The following ARHGAP26 variants were observed in gnomAD, a reference collection of about 807,000 sequenced individuals.
ARHGAP26 encodes Rho GTPase activating protein 26.
A neutral mutation model predicts 104.8 loss-of-function variants in ARHGAP26; 38 were observed. That is an observed-to-expected ratio of 0.36 (90% CI 0.28 to 0.48). ARHGAP26 has a LOEUF of 0.48. Among genes scored for constraint, ARHGAP26 ranks in the 20% least tolerant of loss-of-function variants. The pLI is 0.99. For missense variants in ARHGAP26, 704 were observed against 947.9 expected, an observed-to-expected ratio of 0.74 and a Z score of 3.38; for synonymous variants, 341 against 340.0, an observed-to-expected ratio of 1.00 and a Z score of -0.03.
chr5:143,157,674 A>G (rs1199560873), intron 20 of ARHGAP26, among the ~76,000 whole-genome samples: 1 of 152,090 alleles, frequency 6.6e-6, no homozygotes, highest in Non-Finnish European at 1.5e-5. Context: ...TTGAGGGGGG[A>G]AAATGTATTT....
At chr5:142,896,176 G>A (rs1759455375) in intron 6 of ARHGAP26, among the ~76,000 whole-genome samples, 1 of 152,164 alleles carries the variant, frequency 6.6e-6, no homozygotes. Flanking sequence ...GGTCAGGGCA[G>A]GAATGCAAAT....
intron 13 of ARHGAP26, 50 bp downstream of exon 13, chr5:143,037,311 G>C: frequency 1.3e-6 from 2 of 1,490,182 alleles, no homozygotes; most frequent in East Asian, 4.7e-5. Flanking sequence ...TCACGCATCT[G>C]GTGAGGAGTC....
chr5:143,101,634 C>T (rs937364932), intron 17 of ARHGAP26, among the ~76,000 whole-genome samples: 3 of 151,622 alleles, frequency 2.0e-5, no homozygotes, highest in African/African-American at 7.3e-5. Flanking sequence ...AATTACTTTT[C>T]CCTTCTTTTT....
At chr5:142,983,541 A>G (rs1333063517) in intron 11 of ARHGAP26, among the ~76,000 whole-genome samples, 1 of 152,226 alleles carries the variant, frequency 6.6e-6, no homozygotes, top group East Asian at 1.9e-4. Flanking sequence ...AAATGGTCTG[A>G]GAAATAGGAA....
At chr5:142,873,283 G>C (rs1755599835) in intron 1 of ARHGAP26, 117 bp from the exon 2 acceptor site, 2 of 667,726 alleles carry the variant, frequency 3.0e-6, no homozygotes, top group East Asian at 5.8e-5. Context: ...GCTTTGAAAT[G>C]GACTCAGGAA....
chr5:142,770,554 C>A lies in ARHGAP26; in HGVS notation c.-208C>A, dbSNP rs1203389154. 4.6e-6 allele frequency: 1 copy of A among 217,750 alleles called. No homozygotes were observed. Among genetic ancestry groups the A allele is most frequent in the Non-Finnish European group, 8.6e-6 (1 of 116,564 alleles). The allele number at this position is 217,750 out of a possible 1,614,324, so 13.5% of individuals were successfully genotyped here. On this transcript the variant is annotated 5_prime_UTR_variant, in exon 1 of 23. Transcript: ENST00000645722. ...CGCGATCCGCTCCGTTGCCCGCGCC[C>A]GGAACAGCAGCACCTCGGCCGGGTC... is the stretch of plus-strand genomic sequence containing the variant.
intron 11 of ARHGAP26, among the ~76,000 whole-genome samples, chr5:142,987,647 CTT>C (rs1322371407): frequency 1.3e-5 from 2 of 152,148 alleles, no homozygotes; most frequent in East Asian, 3.9e-4. Context: ...ATAAATAGCT[CTT>C]ATTATTTTGA....
chr5:143,041,335 T>G (rs1285528101), intron 13 of ARHGAP26, among the ~76,000 whole-genome samples: 1 of 152,242 alleles, frequency 6.6e-6, no homozygotes, highest in East Asian at 1.9e-4. Flanking sequence ...TCTTCTAATT[T>G]CTCAGTCTTG....
intron 5 of ARHGAP26, among the ~76,000 whole-genome samples, chr5:142,885,733 C>T (rs974802228): frequency 6.6e-6 from 1 of 152,194 alleles, no homozygotes; most frequent in African/African-American, 2.4e-5. Flanking sequence ...CTTAATTCTG[C>T]CCTCTGTTAC....
chr5:143,186,767 G>A (rs1487493444), intron 20 of ARHGAP26, among the ~76,000 whole-genome samples: 2 of 152,308 alleles, frequency 1.3e-5, no homozygotes, highest in East Asian at 3.9e-4. Flanking sequence ...GGGGAGCTTT[G>A]CTGTGCAGAC....
chr5:143,172,497 A>G (rs764301490), intron 20 of ARHGAP26, among the ~76,000 whole-genome samples: 2 of 152,224 alleles, frequency 1.3e-5, no homozygotes, highest in African/African-American at 2.4e-5. Flanking sequence ...ATCAAGAGCT[A>G]CAAGTTATAA....
intron 10 of ARHGAP26, among the ~76,000 whole-genome samples, chr5:142,923,879 T>TTTTC (rs371680301): frequency 7.0e-6 from 1 of 143,594 alleles, no homozygotes; most frequent in African/African-American, 2.7e-5. Context: ...TTTTTTTTTT[T>TTTTC]GATACGGAGT....
In ARHGAP26 at chr5:142,903,596, G is replaced by A; in HGVS notation, c.759G>A (p.Met253Ile). ...RSEVESLMKK[M>I]KENPLEHKTI... ...AAGTGGAATCACTGATGAAAAAGATGAAGGAGAATCCCCTTGAGCACAAGA... is the reference window on the plus strand; with the variant it reads ...AAGTGGAATCACTGATGAAAAAGATAAAGGAGAATCCCCTTGAGCACAAGA... Residue 253 changes from methionine to isoleucine, a missense_variant, in exon 8 of 23, where the codon ATG (methionine) becomes ATA (isoleucine). By Grantham distance (10) the Met-to-Ile change is conservative. This residue lies in a region of ARHGAP26 where 287 missense variants were observed against 438.8 expected (regional missense o/e 0.65). Transcript: ENST00000645722. 1 of 1,614,062 alleles carries A rather than the reference G, an allele frequency of 6.2e-7. No homozygotes were observed. The highest frequency in any genetic ancestry group is 8.5e-7 in the Non-Finnish European group (1 of 1,179,950).
chr5:143,114,125 C>A (rs1795122884), intron 17 of ARHGAP26, among the ~76,000 whole-genome samples: 1 of 152,174 alleles, frequency 6.6e-6, no homozygotes, highest in African/African-American at 2.4e-5. Context: ...CATAAGCATT[C>A]AATTAATTAT....
chr5:143,191,798 G>A (rs961274256), intron 20 of ARHGAP26, among the ~76,000 whole-genome samples: 2 of 152,164 alleles, frequency 1.3e-5, no homozygotes, highest in Non-Finnish European at 2.9e-5. Context: ...CAATGTGCCT[G>A]TCTCCCTCCC....
At chr5:142,872,742 C>A (rs1755496698) in intron 1 of ARHGAP26, among the ~76,000 whole-genome samples, 1 of 152,144 alleles carries the variant, frequency 6.6e-6, no homozygotes, top group African/African-American at 2.4e-5. Context: ...GGGCTTTGTT[C>A]TCCTGGTGGT....
At chr5:142,787,013 A>T (rs1758805133) in intron 1 of ARHGAP26, among the ~76,000 whole-genome samples, 2 of 152,134 alleles carry the variant, frequency 1.3e-5, no homozygotes, top group South Asian at 4.1e-4. Context: ...GGTTCTAGAG[A>T]ACTCTTAGTC....
intron 16 of ARHGAP26, 103 bp from the exon 17 acceptor site, chr5:143,057,539 C>G (rs1027526700): frequency 1.1e-6 from 1 of 872,298 alleles, no homozygotes; most frequent in African/African-American, 1.7e-5. Context: ...TTGAGAAATC[C>G]TTGGGCTGTT....
At chr5:142,976,645 A>G (rs1228086083) in intron 11 of ARHGAP26, among the ~76,000 whole-genome samples, 1 of 152,232 alleles carries the variant, frequency 6.6e-6, no homozygotes, top group Admixed American at 6.5e-5. Context: ...TCCTGTTGGG[A>G]AAAGATATTT....
Sources: gnomAD v4.1 joint callset for allele counts (sites outside exome capture counted in the v4.1 genomes callset) on GRCh38, gnomAD v4.1.1 for gene constraint, gnomAD v4.1.1 regional missense constraint, MANE v1.5 for transcripts, NCBI Gene and HGNC (gene_info 2026-07-23, HGNC 2026-07-21) for gene names.